PIEZO1: variants seen among roughly 807,000 people sequenced by gnomAD.
PIEZO1 encodes piezo type mechanosensitive ion channel component 1 (Er blood group), also known as piezo-type mechanosensitive ion channel component 1.
PIEZO1 carries 296 observed loss-of-function variants against 297.2 expected under a neutral mutation model. That is an observed-to-expected ratio of 1.00 (90% CI 0.91 to 1.10). PIEZO1 has a LOEUF of 1.10. Among genes scored for constraint, PIEZO1 ranks in the 50% least tolerant of loss-of-function variants. The pLI, the probability that PIEZO1 is intolerant of heterozygous loss-of-function variation, is 0.00. For missense variants in PIEZO1, 5,018 were observed against 3,455.5 expected (o/e 1.45, Z -11.34); for synonymous variants, 2,427 against 1,507.5 (o/e 1.61, Z -14.13).
chr16:88,745,720 G>A (rs1347820268), intron 2 of PIEZO1: 6 of 131,020 alleles, frequency 4.6e-5, no homozygotes, highest in African/African-American at 1.5e-4. Flanking sequence ...CTGCACTCCA[G>A]CCTGGGCAAC....
rs373858014 is a variant in PIEZO1 at position 88,779,754 on chromosome 16, T to C, written c.64+5147A>G. Reference sequence around the variant, plus strand: ...CTGTGCTCCTGGGAGCTGCCCTGTGTGCTCCGGGACCAGGCGGTGAGTGGC... The same window carrying C: ...CTGTGCTCCTGGGAGCTGCCCTGTGCGCTCCGGGACCAGGCGGTGAGTGGC... On this transcript the variant is annotated intron_variant, in intron 1 of 50. Transcript: ENST00000301015. Among the ~76,000 whole-genome samples the C allele has an allele frequency of 3.9e-5, 6 of 152,212 alleles. No homozygotes were observed. In the South Asian group the frequency reaches 8.3e-4, roughly 21 times the overall value.
intron 1 of PIEZO1, 40 bp from the exon 2 acceptor site, chr16:88,749,519 A>G (rs1337664542): frequency 1.4e-6 from 2 of 1,438,940 alleles, no homozygotes; most frequent in Non-Finnish European, 1.9e-6. Context: ...CCAACAGAGG[A>G]TGGCCAGCCC....
chr16:88,741,342 T>C lies in PIEZO1; in HGVS notation c.465+136A>G, dbSNP rs1015310919. On this transcript the variant is annotated intron_variant, in intron 5 of 50. Transcript: ENST00000301015. The stretch of plus-strand genomic sequence containing the variant: ...GGGCCCCGGGGTGGGATTTGGAACT[T>C]CCTCCTCTCTTTAACACCAACTTAC... 4 of 810,244 alleles carry C rather than the reference T, an allele frequency of 4.9e-6. No individual in the cohort carries two copies. In the Admixed American group the frequency reaches 1.2e-4, roughly 24 times the overall value. The allele number at this position is 810,244 out of a possible 1,614,324, so 50.2% of individuals were successfully genotyped here. A position where few individuals can be genotyped will look rare whatever the true frequency, so the allele number is the denominator to read the frequency against.
Position 88,720,504 on chromosome 16 carries a change from G to T in PIEZO1, c.5830C>A (p.Arg1944Ser). ...LAQGTYRPLR[R>S]FFHDILHTKY... is the part of the protein sequence containing the mutation. ...GTGTGCAGGATGTCGTGGAAGAAGC[G>T]CCGTAGCGGCCGATATGTGCCCTGG... The change falls in exon 41 of 51, where the codon CGC becomes AGC. Residue 1944 changes from arginine to serine, a missense_variant. Arg to Ser is a moderately radical substitution (Grantham distance 110). Coordinates refer to ENST00000301015, the MANE Select transcript of PIEZO1 (RefSeq NM_001142864.4). 6.5e-7 allele frequency: 1 copy of T among 1,550,180 alleles called. No individual in the cohort carries two copies. The highest frequency in any genetic ancestry group is 8.7e-7 in the Non-Finnish European group (1 of 1,146,954).
In PIEZO1 at chr16:88,715,397, C is replaced by T. The variant is rs1892517786; in HGVS notation, c.*208G>A. 21 of 1,020,988 alleles carry T rather than the reference C, an allele frequency of 2.1e-5. No homozygotes were observed. Among genetic ancestry groups the T allele is most frequent in the Non-Finnish European group, 2.8e-5 (20 of 713,390 alleles). The allele number at this position is 1,020,988 out of a possible 1,614,324, so 63.2% of individuals were successfully genotyped here. A position where few individuals can be genotyped will look rare whatever the true frequency, so the allele number is the denominator to read the frequency against. ...TAATTAAAAAAAAAACTCTACAGTA[C>T]ACGTGGGGGACGGCAGCGCCACGCA... On this transcript the variant is annotated 3_prime_UTR_variant, in exon 51 of 51. Transcript: ENST00000301015.
intron 2 of PIEZO1, among the ~76,000 whole-genome samples, chr16:88,744,501 G>A (rs893137855): frequency 3.3e-5 from 5 of 151,792 alleles, no homozygotes; most frequent in African/African-American, 7.3e-5. Flanking sequence ...CCAGCAGCCC[G>A]GGAAGGAACT....
intron 1 of PIEZO1, among the ~76,000 whole-genome samples, chr16:88,766,037 G>C (rs1302931151): frequency 6.6e-6 from 1 of 152,198 alleles, no homozygotes; most frequent in East Asian, 1.9e-4. Flanking sequence ...TCACATGCGA[G>C]TCAGCGCACG....
Position 88,732,508 on chromosome 16 carries a change from C to CCAG in PIEZO1, c.2815_2817dup (p.Leu939dup), listed in dbSNP as rs780165835. On this transcript the variant is annotated inframe_insertion, in exon 21 of 51. Coordinates refer to ENST00000301015, the MANE Select transcript of PIEZO1 (RefSeq NM_001142864.4). The stretch of plus-strand genomic sequence containing the variant: ...CGCCGGTACACGATGGCCTCGAATA[C>CCAG]CAGCAGCAGCAGCACTTGCAGGTGG... 5 of 1,547,534 alleles carry CCAG rather than the reference C, an allele frequency of 3.2e-6. No homozygotes were observed. The highest frequency in any genetic ancestry group is 2.4e-5 in the East Asian group (1 of 40,838).
chr16:88,768,803 C>G (rs1907294180), intron 1 of PIEZO1, among the ~76,000 whole-genome samples: 1 of 152,244 alleles, frequency 6.6e-6, no homozygotes, highest in African/African-American at 2.4e-5. Flanking sequence ...GGGGCGGTGC[C>G]CACAATGGGC....
chr16:88,761,459 C>T (rs1323445465), intron 1 of PIEZO1, among the ~76,000 whole-genome samples: 1 of 152,198 alleles, frequency 6.6e-6, no homozygotes, highest in South Asian at 2.1e-4. Context: ...CGGCACGGCC[C>T]GAGGCAGAAG....
chr16:88,776,444 A>C (rs1907668933), intron 1 of PIEZO1, among the ~76,000 whole-genome samples: 1 of 151,952 alleles, frequency 6.6e-6, no homozygotes, highest in African/African-American at 2.4e-5. Context: ...AAAAAAAAAA[A>C]AGAAGGGATG....
chr16:88,739,740 G>C (rs1406722368), intron 5 of PIEZO1: 1 of 152,678 alleles, frequency 6.5e-6, no homozygotes, highest in Admixed American at 6.5e-5. Context: ...AGGGAGATCA[G>C]GGCAGGAGAG....
At chr16:88,734,594 C>G (rs79613370) in intron 15 of PIEZO1, 56 bp from the exon 16 acceptor site, 25 of 1,547,940 alleles carry the variant, frequency 1.6e-5, no homozygotes, top group Non-Finnish European at 2.2e-5. Context: ...GCTGCAGCCC[C>G]GGGGAAGTGC....
Position 88,732,622 on chromosome 16 carries a change from G to A in PIEZO1, c.2775C>T (p.Asn925=). Residue 925 remains asparagine, a synonymous_variant, in exon 20 of 51, where the codon AAC becomes AAT. Coordinates refer to ENST00000301015, the MANE Select transcript of PIEZO1 (RefSeq NM_001142864.4). ...NWFGVRKGFP[N]LGYIQNHLQV... ...TTCAACTCACCTGGATGTAGCCCAG[G>A]TTGGGGAACCCTTTCCGCACCCCAA... 3 of 1,549,366 alleles carry A rather than the reference G, an allele frequency of 1.9e-6. No homozygotes were observed. Among genetic ancestry groups the A allele is most frequent in the Non-Finnish European group, 2.6e-6 (3 of 1,146,310 alleles).
At position 88,734,977 on chromosome 16, in the gene PIEZO1, A is replaced by G. The variant is rs1905107021; in HGVS notation, c.1746T>C (p.Tyr582=). ...CCACGATGAACATGCCAGCACACACATAGATCCAGTACTTGGCGTACACGC... is the reference window on the plus strand; with the variant it reads ...CCACGATGAACATGCCAGCACACACGTAGATCCAGTACTTGGCGTACACGC... ...VKGVYAKYWI[Y]VCAGMFIVVS... Residue 582 remains tyrosine (Y), a synonymous_variant, in exon 14 of 51, where the codon TAT becomes TAC. Coordinates refer to ENST00000301015, the MANE Select transcript of PIEZO1 (RefSeq NM_001142864.4). 7 of 1,550,414 alleles carry G rather than the reference A, an allele frequency of 4.5e-6. No homozygotes were observed. Among genetic ancestry groups the G allele is most frequent in the South Asian group, 2.4e-5 (2 of 84,062 alleles).
rs1464563833 is a variant in PIEZO1 at position 88,723,169 on chromosome 16, G to T, written c.4439-18C>A. Reference sequence around the variant, plus strand: ...ACCACCTCCTGGGCACAGGATGCTGGTGAGTGACTGGCAGTCCCGCGGCTT... The same window carrying T: ...ACCACCTCCTGGGCACAGGATGCTGTTGAGTGACTGGCAGTCCCGCGGCTT... On this transcript the variant is annotated intron_variant, in intron 32 of 50. Coordinates refer to ENST00000301015, the MANE Select transcript of PIEZO1 (RefSeq NM_001142864.4). 2.1e-5 allele frequency: 33 copies of T among 1,549,320 alleles called. No homozygotes were observed. Among genetic ancestry groups the T allele is most frequent in the Non-Finnish European group, 2.7e-5 (31 of 1,146,826 alleles).
chr16:88,749,081 C>CA (rs751571390), intron 2 of PIEZO1, among the ~76,000 whole-genome samples: 301 of 147,926 alleles, frequency 2.0e-3, no homozygotes, highest in Non-Finnish European at 3.1e-3. Context: ...ACTAAAAATA[C>CA]AAAAAAAAAT....
chr16:88,781,251 G>C (rs911783831), intron 1 of PIEZO1, among the ~76,000 whole-genome samples: 2 of 152,192 alleles, frequency 1.3e-5, no homozygotes, highest in African/African-American at 4.8e-5. Flanking sequence ...AGCTGCCTTG[G>C]GGCCAGGATC....
chr16:88,720,673 C>A lies in PIEZO1; in HGVS notation c.5744G>T (p.Arg1915Leu). Residue 1915 changes from arginine to leucine, a missense_variant, in exon 40 of 51, where the codon CGC becomes CTC. Physicochemically the swap from Arg to Leu is moderately radical, Grantham distance 102 (BLOSUM62 -2). Coordinates refer to ENST00000301015, the MANE Select transcript of PIEZO1 (RefSeq NM_001142864.4). Reference sequence around the variant, plus strand: ...GGCCGCCCTTACTCTTCCTCCAGAGCGGCTTGGCCTCTTCTCTCTCCCCGT... The same window carrying A: ...GGCCGCCCTTACTCTTCCTCCAGAGAGGCTTGGCCTCTTCTCTCTCCCCGT... ...APTGREKRPS[R>L]SGGRVRAAGR... 2.6e-6 allele frequency: 4 copies of A among 1,546,712 alleles called. No individual in the cohort carries two copies. The highest frequency in any genetic ancestry group is 3.5e-6 in the Non-Finnish European group (4 of 1,145,056).
Sources: gnomAD v4.1 joint callset for allele counts (sites outside exome capture counted in the v4.1 genomes callset) on GRCh38, gnomAD v4.1.1 for gene constraint, MANE v1.5 for transcripts, NCBI Gene and HGNC (gene_info 2026-07-23, HGNC 2026-07-21) for gene names.